Variants in PTK2 observed in about 807,000 individuals in gnomAD.
The protein encoded by PTK2 is focal adhesion kinase 1.
A neutral mutation model predicts 150.1 loss-of-function variants in PTK2; 45 were observed. The observed-to-expected ratio is 0.30, with a 90% CI of 0.24 to 0.38. The LOEUF is 0.38. PTK2 is among the 10% of genes least tolerant of loss of function. The probability of loss-of-function intolerance (pLI) is 1.00; values close to 1 mark genes in which losing one functional copy is unlikely to be tolerated. For missense variants in PTK2, 919 were observed against 1,307.3 expected (o/e 0.70, Z 4.58); for synonymous variants, 432 against 449.2 (o/e 0.96, Z 0.48).
At chr8:140,806,157 C>G (rs527777192) in intron 10 of PTK2, among the ~76,000 whole-genome samples, 2 of 152,304 alleles carry the variant, frequency 1.3e-5, no homozygotes, top group South Asian at 4.1e-4. Context: ...ACTGAAAAAT[C>G]TGACTCTAGA....
At chr8:140,874,495 A>G (rs1023572756) in intron 4 of PTK2, among the ~76,000 whole-genome samples, 4 of 152,162 alleles carry the variant, frequency 2.6e-5, no homozygotes, top group African/African-American at 9.7e-5. Context: ...GTGACAGAAA[A>G]AAATTTGTCA....
At chr8:140,662,831 G>A in intron 31 of PTK2, 1 of 481,654 alleles carries the variant, frequency 2.1e-6, no homozygotes, top group African/African-American at 1.9e-5. Flanking sequence ...AGAAACAAAT[G>A]TTTATAGGAT....
chr8:140,936,122 T>C (rs764604163), intron 1 of PTK2, among the ~76,000 whole-genome samples: 16 of 152,262 alleles, frequency 1.1e-4, no homozygotes, highest in East Asian at 1.9e-4. Context: ...GATAGTGCTA[T>C]TGCCCTCCAG....
intron 25 of PTK2, among the ~76,000 whole-genome samples, chr8:140,702,195 T>C (rs1051368185): frequency 7.3e-5 from 10 of 137,210 alleles, no homozygotes; most frequent in Non-Finnish European, 1.6e-4. Flanking sequence ...AAATAAAAGG[T>C]ACCTTAGGCC....
intron 2 of PTK2, chr8:140,892,754 C>G (rs2100154653): frequency 4.1e-6 from 1 of 241,552 alleles, no homozygotes; most frequent in South Asian, 4.2e-5. Flanking sequence ...AAAGCTAATA[C>G]CCTATATATA....
chr8:140,872,945 A>G (rs925065130), intron 4 of PTK2, among the ~76,000 whole-genome samples: 9 of 152,226 alleles, frequency 5.9e-5, no homozygotes, highest in Non-Finnish European at 7.3e-5. Context: ...ACTTTGTCAC[A>G]TGATGTTATA....
intron 2 of PTK2, among the ~76,000 whole-genome samples, chr8:140,924,055 G>A (rs568570503): frequency 6.6e-6 from 1 of 152,240 alleles, no homozygotes; most frequent in African/African-American, 2.4e-5. Flanking sequence ...ACTTAGCACA[G>A]TCTGTAAGGC....
intron 11 of PTK2, among the ~76,000 whole-genome samples, chr8:140,801,882 T>C (rs1440148995): frequency 2.0e-5 from 3 of 152,094 alleles, no homozygotes; most frequent in African/African-American, 7.2e-5. Context: ...GAATTCCTAT[T>C]GCTAGGTATG....
intron 14 of PTK2, among the ~76,000 whole-genome samples, chr8:140,787,962 T>C (rs1334161526): frequency 6.6e-6 from 1 of 152,196 alleles, no homozygotes; most frequent in African/African-American, 2.4e-5. Flanking sequence ...CTCCTGTGAC[T>C]GTAGCATGTG....
intron 2 of PTK2, among the ~76,000 whole-genome samples, chr8:140,914,104 T>A (rs1287453769): frequency 2.6e-5 from 4 of 152,208 alleles, no homozygotes; most frequent in African/African-American, 9.6e-5. Context: ...AATACAAATG[T>A]ATTTTAGTTT....
intron 2 of PTK2, among the ~76,000 whole-genome samples, chr8:140,897,825 A>G (rs573883763): frequency 6.6e-6 from 1 of 152,322 alleles, no homozygotes; most frequent in Non-Finnish European, 1.5e-5. Context: ...TAAATGAAAA[A>G]AGTCTTTTAC....
At chr8:140,674,508 A>C in intron 28 of PTK2, 104 bp from the exon 32 acceptor site, 1 of 994,910 alleles carries the variant, frequency 1.0e-6, no homozygotes, top group Non-Finnish European at 1.5e-6. Flanking sequence ...GGGAGGCTGA[A>C]GCGGGCAGAT....
At chr8:140,753,166 CCAGGTGA>C (rs368185599) in intron 16 of PTK2, among the ~76,000 whole-genome samples, 3 of 152,174 alleles carry the variant, frequency 2.0e-5, no homozygotes, top group Middle Eastern at 3.4e-3. Context: ...CCACAGTACC[CCAGGTGA>C]CAGGTGACAG....
At chr8:140,856,217 G>A (rs2100132498) in intron 5 of PTK2, among the ~76,000 whole-genome samples, 1 of 152,224 alleles carries the variant, frequency 6.6e-6, no homozygotes, top group African/African-American at 2.4e-5. Context: ...AGAGCAACCA[G>A]AACTCTCATA....
At chr8:140,783,583 T>C (rs889775829) in intron 14 of PTK2, among the ~76,000 whole-genome samples, 4 of 152,236 alleles carry the variant, frequency 2.6e-5, no homozygotes, top group Non-Finnish European at 5.9e-5. Context: ...GTAATTATTA[T>C]AGACTATACC....
chr8:140,672,776 T>A (rs1589322213), intron 29 of PTK2, among the ~76,000 whole-genome samples: 2 of 152,236 alleles, frequency 1.3e-5, no homozygotes, highest in Admixed American at 1.3e-4. Flanking sequence ...TGTATCTACA[T>A]CTAACGAAGC....
chr8:140,763,161 T>C (rs2100070308), intron 15 of PTK2, among the ~76,000 whole-genome samples: 1 of 152,198 alleles, frequency 6.6e-6, no homozygotes, highest in African/African-American at 2.4e-5. Context: ...CTGGCCTCTT[T>C]CGAGTAACTC....
intron 10 of PTK2, among the ~76,000 whole-genome samples, chr8:140,804,586 T>C (rs1287592218): frequency 2.0e-5 from 3 of 152,210 alleles, no homozygotes; most frequent in Non-Finnish European, 4.4e-5. Context: ...CCTTCTAGCA[T>C]CTCATGAGGA....
At chr8:140,912,606 T>C (rs1003256338) in intron 2 of PTK2, among the ~76,000 whole-genome samples, 1 of 150,672 alleles carries the variant, frequency 6.6e-6, no homozygotes, top group Non-Finnish European at 1.5e-5. Context: ...CTCATAATAA[T>C]AAAAAAAAGA....
Sources: gnomAD v4.1 joint callset for allele counts (sites outside exome capture counted in the v4.1 genomes callset) on GRCh38, gnomAD v4.1.1 for gene constraint, MANE v1.5 for transcripts, NCBI Gene and HGNC (gene_info 2026-07-23, HGNC 2026-07-21) for gene names.